Variants in COL4A2 observed in about 807,000 individuals in gnomAD.
The protein encoded by COL4A2 is collagen type IV alpha 2 chain, also known as collagen alpha-2(IV) chain.
In COL4A2, 99 loss-of-function variants were observed where a neutral mutation model predicts 200.2. That is an observed-to-expected ratio of 0.49 (90% CI 0.42 to 0.58). The LOEUF (loss-of-function observed/expected upper bound fraction) is 0.58, where lower values mean the gene tolerates loss of function less well. COL4A2 is among the 20% of genes least tolerant of loss of function. COL4A2 has a pLI of 0.00. For synonymous variants in COL4A2, 897 were observed against 900.6 expected, an observed-to-expected ratio of 1.00 and a Z score of 0.07; for missense variants, 1,950 against 2,314.1, an observed-to-expected ratio of 0.84 and a Z score of 3.23.
intron 40 of COL4A2, among the ~76,000 whole-genome samples, chr13:110,496,033 T>TC (rs1201412887): frequency 2.0e-5 from 3 of 152,094 alleles, no homozygotes; most frequent in Non-Finnish European, 4.4e-5. Context: ...CAGAGTCTGC[T>TC]CCTGAGATCC....
In COL4A2 at chr13:110,493,820, G is replaced by C. The variant is rs1387603315; in HGVS notation, c.3634+538G>C. On this transcript the variant is annotated intron_variant, in intron 39 of 47. Coordinates refer to ENST00000360467, the MANE Select transcript of COL4A2 (RefSeq NM_001846.4). Reference sequence around the variant, plus strand: ...CAGCATGCCAGCGTGGTCGGGTTCTGGGGGGGGCCGCGTCCTGGCTGCTCG... The same window carrying C: ...CAGCATGCCAGCGTGGTCGGGTTCTCGGGGGGGCCGCGTCCTGGCTGCTCG... Among the ~76,000 whole-genome samples, 3 of 30,952 alleles carry C rather than the reference G, an allele frequency of 9.7e-5. No homozygotes were observed. The South Asian group carries it at 6.5e-3, about 67-fold the overall frequency. 20.3% of individuals were successfully genotyped at this position (30,952 alleles called of 152,430 possible).
rs1555322822 is a variant in COL4A2 at position 110,351,214 on chromosome 13, A to AAT, written c.100-6258_100-6257insAT. On this transcript the variant is annotated intron_variant, in intron 3 of 47. Coordinates refer to ENST00000360467, the MANE Select transcript of COL4A2 (RefSeq NM_001846.4). ...CAGGCGTGCACCACCACACCCAGCT[A>AAT]TTCTTTTTGTTTGTTTGTTTGTTTG... is the stretch of plus-strand genomic sequence containing the variant. 7.8e-4 allele frequency among the ~76,000 whole-genome samples: 57 copies of AAT among 73,464 alleles called. No individual in the cohort carries two copies. The African/African-American group carries it at 8.3e-3, about 11-fold the overall frequency. The allele number at this position is 73,464 out of a possible 152,430, so 48.2% of individuals were successfully genotyped here.
intron 33 of COL4A2, among the ~76,000 whole-genome samples, 181 bp downstream of exon 33, chr13:110,485,208 A>G (rs1051606673): frequency 6.6e-6 from 1 of 152,154 alleles, no homozygotes; most frequent in Non-Finnish European, 1.5e-5. Flanking sequence ...ATGCCTGAGT[A>G]ACCTCGGTTT....
chr13:110,435,672 G>C (rs1011568668), intron 12 of COL4A2, among the ~76,000 whole-genome samples: 1 of 152,124 alleles, frequency 6.6e-6, no homozygotes, highest in African/African-American at 2.4e-5. Flanking sequence ...GTTTCTGGGA[G>C]GTAAACCCAG....
At chr13:110,436,466 G>A (rs1485716296) in intron 13 of COL4A2, 99 bp downstream of exon 13, 3 of 1,448,110 alleles carry the variant, frequency 2.1e-6, no homozygotes, top group Non-Finnish European at 2.8e-6. Context: ...AGTAGAAAAA[G>A]CCTCACCACC....
chr13:110,469,366 C>T (rs765949793), intron 28 of COL4A2, 42 bp downstream of exon 28: 33 of 1,540,338 alleles, frequency 2.1e-5, no homozygotes, highest in South Asian at 1.8e-4. Flanking sequence ...TGGGTTCCAG[C>T]GGGAACCTGT....
chr13:110,512,465 C>G lies in COL4A2; in HGVS notation c.*274C>G. On this transcript the variant is annotated 3_prime_UTR_variant, in exon 48 of 48. Coordinates refer to ENST00000360467, the MANE Select transcript of COL4A2 (RefSeq NM_001846.4). Reference sequence around the variant, plus strand: ...ACGCACCGCCTGAAGGCACAGCTAACCACTTCGCACACACCCATGTAACCA... The same window carrying G: ...ACGCACCGCCTGAAGGCACAGCTAAGCACTTCGCACACACCCATGTAACCA... 1.9e-6 allele frequency: 1 copy of G among 528,968 alleles called. No individual in the cohort carries two copies. The allele number at this position is 528,968 out of a possible 1,614,324, so 32.8% of individuals were successfully genotyped here. A position where few individuals can be genotyped will look rare whatever the true frequency, so the allele number is the denominator to read the frequency against.
At chr13:110,329,974 G>A (rs939755520) in intron 3 of COL4A2, among the ~76,000 whole-genome samples, 17 of 152,212 alleles carry the variant, frequency 1.1e-4, no homozygotes, top group African/African-American at 4.1e-4. Context: ...ACAAGACCAA[G>A]TGTGACAGAT....
In COL4A2 at chr13:110,450,327, T is replaced by TTCAGATCAGAG. The variant is rs1566539892; in HGVS notation, c.1212_1213insTCAGATCAGAG (p.Glu405SerfsTer52). On this transcript the variant is annotated frameshift_variant, in exon 20 of 48. Coordinates refer to ENST00000360467, the MANE Select transcript of COL4A2 (RefSeq NM_001846.4). LOFTEE classifies it high-confidence loss of function. ...CAGATCAGAGGAGAGGCCTGCCGGGTGAGATGGGACCCAAGGGCTTCATCG... is the reference window on the plus strand; with the variant it reads ...CAGATCAGAGGAGAGGCCTGCCGGGTTCAGATCAGAGGAGATGGGACCCAAGGGCTTCATCG... The TTCAGATCAGAG allele has an allele frequency of 1.9e-6, 3 of 1,613,508 alleles. No homozygotes were observed. Among genetic ancestry groups the TTCAGATCAGAG allele is most frequent in the Non-Finnish European group, 2.5e-6 (3 of 1,179,740 alleles).
At chr13:110,445,369 G>A (rs917938754) in intron 16 of COL4A2, among the ~76,000 whole-genome samples, 1 of 152,170 alleles carries the variant, frequency 6.6e-6, no homozygotes, top group African/African-American at 2.4e-5. Flanking sequence ...AATGATCCCT[G>A]CTGAAAAGGG....
At chr13:110,456,532 T>C (rs1881739501) in intron 20 of COL4A2, 1 of 353,916 alleles carries the variant, frequency 2.8e-6, no homozygotes, top group Non-Finnish European at 5.5e-6. Flanking sequence ...GTTATCCCTA[T>C]AGTTTAATGG....
chr13:110,488,615 G>T (rs1883184886), intron 34 of COL4A2, among the ~76,000 whole-genome samples: 1 of 152,354 alleles, frequency 6.6e-6, no homozygotes, highest in East Asian at 1.9e-4. Context: ...AAGCTCTGCA[G>T]TCTGGCTGCC....
intron 4 of COL4A2, among the ~76,000 whole-genome samples, chr13:110,402,761 G>T (rs1162776118): frequency 6.6e-6 from 1 of 152,272 alleles, no homozygotes; most frequent in Non-Finnish European, 1.5e-5. Context: ...GGCCTCTGTT[G>T]TTGGCCCTGC....
At chr13:110,363,483 C>G (rs1207246097) in intron 4 of COL4A2, among the ~76,000 whole-genome samples, 3 of 152,182 alleles carry the variant, frequency 2.0e-5, no homozygotes, top group Non-Finnish European at 2.9e-5. Context: ...AAAATAGCTG[C>G]CAAGAGAAGA....
chr13:110,435,097 C>T (rs958462225), intron 12 of COL4A2, among the ~76,000 whole-genome samples: 1 of 152,306 alleles, frequency 6.6e-6, no homozygotes, highest in Non-Finnish European at 1.5e-5. Context: ...TTTTGTTTTC[C>T]CTTCTGCTTT....
intron 3 of COL4A2, among the ~76,000 whole-genome samples, chr13:110,333,605 G>A (rs1436277364): frequency 1.3e-5 from 2 of 152,118 alleles, no homozygotes; most frequent in Admixed American, 6.5e-5. Flanking sequence ...GTGTCCCCTG[G>A]CTACGACCTA....
In COL4A2 at chr13:110,426,904, A is replaced by AGAGT. The variant is rs1000773962; in HGVS notation, c.361-1561_361-1558dup. Among the ~76,000 whole-genome samples the AGAGT allele has an allele frequency of 1.6e-4, 24 of 147,512 alleles. 1 individual carries two copies. Among genetic ancestry groups the AGAGT allele is most frequent in the African/African-American group, 5.7e-4 (23 of 40,618 alleles). ...TTATGTCTTTATTTGAAAGGCCACT[A>AGAGT]GAGTGCCAGCTCTGCAAACAGATCG... is the stretch of plus-strand genomic sequence containing the variant. On this transcript the variant is annotated intron_variant, in intron 6 of 47. Coordinates refer to ENST00000360467, the MANE Select transcript of COL4A2 (RefSeq NM_001846.4).
rs1881351064 is a variant in COL4A2 at position 110,446,975 on chromosome 13, T to C, written c.1078+111T>C. ...AGATATTCTAAGCAACCCTAAAACT[T>C]AAAGTATAATAATAATAAAAAAAAT... is the stretch of plus-strand genomic sequence containing the variant. On this transcript the variant is annotated intron_variant, in intron 18 of 47. Transcript: ENST00000360467. 7.2e-6 allele frequency: 5 copies of C among 693,028 alleles called. No individual in the cohort carries two copies. The East Asian group carries it at 1.6e-4, about 22-fold the overall frequency. The allele number at this position is 693,028 out of a possible 1,614,324, so 42.9% of individuals were successfully genotyped here.
intron 4 of COL4A2, among the ~76,000 whole-genome samples, chr13:110,397,625 C>G (rs1879226557): frequency 6.6e-6 from 1 of 152,128 alleles, no homozygotes; most frequent in South Asian, 2.1e-4. Flanking sequence ...CTACCACTTG[C>G]AAATCGATGT....
Sources: allele counts gnomAD v4.1 joint callset (sites outside exome capture counted in the v4.1 genomes callset), GRCh38; gene constraint gnomAD v4.1.1; transcripts MANE v1.5; gene names NCBI Gene and HGNC (gene_info 2026-07-23, HGNC 2026-07-21).